The following RADIL variants were observed in gnomAD, a reference collection of about 807,000 sequenced individuals.
The protein encoded by RADIL is Rap associating with DIL domain, also known as ras-associating and dilute domain-containing protein.
Under a neutral mutation model 97.6 loss-of-function variants are expected in RADIL, and 99 were observed. The ratio of observed to expected loss-of-function variants is 1.01; its 90% CI spans 0.86 to 1.20. RADIL has a LOEUF of 1.20. Among genes scored for constraint, RADIL ranks in the 50% most tolerant of loss-of-function variants. The pLI is 0.00. For missense variants in RADIL, 1,765 were observed against 1,498.9 expected (o/e 1.18, Z -2.93); for synonymous variants, 803 against 691.8 (o/e 1.16, Z -2.52).
rs760300631 is a variant in RADIL at position 4,805,728 on chromosome 7, G to C, written c.2140-12C>G. On this transcript the variant is annotated splice_polypyrimidine_tract_variant and intron_variant, in intron 9 of 14. Transcript: ENST00000399583. ...GCTGTCCAGCTCATCTGGGTGACAA[G>C]AAGGAGCTCATGGTCACAGGTCTCT... 1.2e-6 allele frequency: 2 copies of C among 1,602,342 alleles called. No homozygotes were observed. The highest frequency in any genetic ancestry group is 2.7e-5 in the African/African-American group (2 of 74,714).
In RADIL at chr7:4,800,324, A is replaced by G. The variant is rs1339436424; in HGVS notation, c.2843-14T>C. 4.2e-6 allele frequency: 6 copies of G among 1,435,034 alleles called. No individual in the cohort carries two copies. The South Asian group carries it at 6.0e-5, about 14-fold the overall frequency. 88.9% of individuals were successfully genotyped at this position (1,435,034 alleles called of 1,614,324 possible). ...CTGCAGAGTCTCCTGGGTGGGGGCC[A>G]GGAAAGGTGGGTGGGAGTGAGGCGC... On this transcript the variant is annotated splice_polypyrimidine_tract_variant and intron_variant, in intron 12 of 14. Transcript: ENST00000399583.
intron 10 of RADIL, among the ~76,000 whole-genome samples, chr7:4,804,652 T>C (rs1782233464): frequency 6.6e-6 from 1 of 152,088 alleles, no homozygotes; most frequent in Non-Finnish European, 1.5e-5. Context: ...CCAGGCATGG[T>C]GGCACACACC....
At chr7:4,805,148 C>T (rs780133876) in intron 10 of RADIL, 13 of 184,926 alleles carry the variant, frequency 7.0e-5, no homozygotes, top group Non-Finnish European at 1.0e-4. Flanking sequence ...CACATGTATG[C>T]GCACACAGAC....
At chr7:4,805,994 C>T (rs936020737) in intron 9 of RADIL, 8 of 985,340 alleles carry the variant, frequency 8.1e-6, no homozygotes, top group African/African-American at 1.7e-5. Flanking sequence ...GCCTCACAGG[C>T]GGCCGCCAAC....
rs574842218 is a variant in RADIL at position 4,813,844 on chromosome 7, T to C, written c.2139+1434A>G. Among the ~76,000 whole-genome samples the C allele has an allele frequency of 4.6e-5, 7 of 152,342 alleles. No individual in the cohort carries two copies. Among genetic ancestry groups the C allele is most frequent in the African/African-American group, 9.6e-5 (4 of 41,568 alleles). On this transcript the variant is annotated intron_variant, in intron 9 of 14. Transcript: ENST00000399583. This position sits in a 1 kb window ranked among gnomAD's most constrained non-coding sequence, Gnocchi z 5.0. Reference sequence around the variant, plus strand: ...ATGTCTATCAACTGTTCTTCTGTTTTAGCCCCATCTTGACATCGGTGTCCA... The same window carrying C: ...ATGTCTATCAACTGTTCTTCTGTTTCAGCCCCATCTTGACATCGGTGTCCA...
At chr7:4,859,810 T>C (rs974698098) in intron 2 of RADIL, 15 of 779,600 alleles carry the variant, frequency 1.9e-5, no homozygotes, top group Non-Finnish European at 2.9e-5. Flanking sequence ...GGAGTTGTAC[T>C]TGTCTTTGTA....
intron 9 of RADIL, chr7:4,808,459 A>T: frequency 2.3e-6 from 1 of 428,940 alleles, no homozygotes; most frequent in Non-Finnish European, 3.1e-6. Context: ...TCATCAAACT[A>T]GGGCCAGCGA....
intron 2 of RADIL, chr7:4,860,973 A>G (rs1159631351): frequency 6.2e-7 from 1 of 1,614,112 alleles, no homozygotes; most frequent in East Asian, 2.2e-5. Context: ...GGCCATTCCC[A>G]TTCTGAAAAT....
In RADIL at chr7:4,867,166, G is replaced by C. The variant is rs192544593; in HGVS notation, c.535+10439C>G. Among the ~76,000 whole-genome samples the C allele has an allele frequency of 6.6e-6, 1 of 152,074 alleles. No individual in the cohort carries two copies. Among genetic ancestry groups the C allele is most frequent in the Non-Finnish European group, 1.5e-5 (1 of 68,026 alleles). ...TATTCTGCTGTGGCAACAAGAAATG[G>C]ACTAAAGCAGAGCCTAAAGGTGTTG... On this transcript the variant is annotated intron_variant, in intron 2 of 14. Coordinates refer to ENST00000399583, the MANE Select transcript of RADIL (RefSeq NM_018059.5). This position sits in a 1 kb window ranked among gnomAD's most constrained non-coding sequence, Gnocchi z 4.1.
At chr7:4,848,200 G>C (rs191343847) in intron 2 of RADIL, among the ~76,000 whole-genome samples, 1 of 142,398 alleles carries the variant, frequency 7.0e-6, no homozygotes, top group African/African-American at 2.7e-5. Flanking sequence ...CTGGGTGACT[G>C]AGTGAGACCC....
intron 2 of RADIL, chr7:4,861,090 T>C (rs1485407867): frequency 6.2e-7 from 1 of 1,614,214 alleles, no homozygotes; most frequent in South Asian, 1.1e-5. Context: ...AAACCTAATA[T>C]ATTGGAATAG....
At chr7:4,836,299 G>C in intron 3 of RADIL, 59 bp downstream of exon 3, 1 of 1,549,024 alleles carries the variant, frequency 6.5e-7, no homozygotes, top group Non-Finnish European at 8.7e-7. Context: ...TGACTTCTGA[G>C]TCCCGCCTGC....
In RADIL at chr7:4,877,815, G is replaced by T. The variant is rs754286653; in HGVS notation, c.325C>A (p.Gln109Lys). 1.9e-6 allele frequency: 3 copies of T among 1,609,486 alleles called. No homozygotes were observed. The Admixed American group carries it at 5.0e-5, about 27-fold the overall frequency. The change falls in exon 2 of 15, where the codon CAG (glutamine) becomes AAG (lysine). Residue 109 changes from glutamine to lysine, a missense_variant. Gln to Lys is a moderately conservative substitution (Grantham distance 53). Transcript: ENST00000399583. ...RYALDPRQAG[Q>K]YVLCDVVGQA... ...CCCACCACGTCACACAGCACGTACT[G>T]GCCGGCCTGCCTGGGGTCCAGGGCG... is the stretch of plus-strand genomic sequence containing the variant.
In RADIL at chr7:4,883,082, G is replaced by A. The variant is rs1008780748; in HGVS notation, c.-65+514C>T. Among the ~76,000 whole-genome samples, 3 of 152,242 alleles carry A rather than the reference G, an allele frequency of 2.0e-5. No individual in the cohort carries two copies. Among genetic ancestry groups the A allele is most frequent in the Admixed American group, 6.5e-5 (1 of 15,292 alleles). ...GAAACAATGCTTTGAGCTGGCGCAC[G>A]AGTGGGGATCGGGCTGCAACCGGGA... On this transcript the variant is annotated intron_variant, in intron 1 of 14. Transcript: ENST00000399583. This position sits in a 1 kb window ranked among gnomAD's most constrained non-coding sequence, Gnocchi z 7.1.
intron 2 of RADIL, among the ~76,000 whole-genome samples, chr7:4,839,668 A>G (rs1783394056): frequency 6.6e-6 from 1 of 152,180 alleles, no homozygotes; most frequent in Admixed American, 6.5e-5. Context: ...ATATGATAAA[A>G]ATCTTTACCT....
chr7:4,806,161 G>A, intron 9 of RADIL: 4 of 757,666 alleles, frequency 5.3e-6, no homozygotes, highest in Non-Finnish European at 6.4e-6. Context: ...TTGTTTGCTT[G>A]TTTTTTGAGA....
intron 2 of RADIL, among the ~76,000 whole-genome samples, chr7:4,843,303 G>A (rs146077842): frequency 0.015 from 2,263 of 152,080 alleles, 33 homozygotes; most frequent in South Asian, 0.025. Context: ...GTGAGCCACC[G>A]CGCCCGGCCA....
rs879060492 is a variant in RADIL, at chr7:4,803,191, C to T, written c.2499+355G>A. Among the ~76,000 whole-genome samples, 105 of 58,340 alleles carry T rather than the reference C, an allele frequency of 1.8e-3. 13 individuals are homozygous for T. Among genetic ancestry groups the T allele is most frequent in the African/African-American group, 8.8e-3 (46 of 5,210 alleles). The allele number at this position is 58,340 out of a possible 152,430, so 38.3% of individuals were successfully genotyped here. A position where few individuals can be genotyped will look rare whatever the true frequency, so the allele number is the denominator to read the frequency against. On this transcript the variant is annotated intron_variant, in intron 11 of 14. Transcript: ENST00000399583. ...ACCTCGGGGCACGCTGGCTGGGGGG[C>T]CCCCTCCCCGGGTACCTCGGGGCAC...
intron 2 of RADIL, among the ~76,000 whole-genome samples, chr7:4,838,795 G>A (rs1190071256): frequency 6.6e-6 from 1 of 152,246 alleles, no homozygotes; most frequent in Non-Finnish European, 1.5e-5. Flanking sequence ...CTGAGTGCAG[G>A]TGTGGGGGAG....
Sources: gnomAD v4.1 joint callset for allele counts (sites outside exome capture counted in the v4.1 genomes callset) on GRCh38, gnomAD v4.1.1 for gene constraint, Gnocchi (gnomAD v3.1) non-coding constraint, MANE v1.5 for transcripts, NCBI Gene and HGNC (gene_info 2026-07-23, HGNC 2026-07-21) for gene names.